KCNQ5: variants seen among roughly 807,000 people sequenced by gnomAD.
The protein encoded by KCNQ5 is potassium voltage-gated channel subfamily Q member 5.
KCNQ5 carries 30 observed loss-of-function variants against 98.2 expected under a neutral mutation model. The observed-to-expected ratio is 0.31, with a 90% confidence interval of 0.23 to 0.41. The LOEUF is 0.41. KCNQ5 is among the 10% of genes least tolerant of loss of function. The probability of loss-of-function intolerance (pLI) is 1.00; values close to 1 mark genes in which losing one functional copy is unlikely to be tolerated. For synonymous variants in KCNQ5, 458 were observed against 449.4 expected (o/e 1.02, Z -0.24); for missense variants, 835 against 1,182.5 (o/e 0.71, Z 4.31).
chr6:73,072,319 G>A (rs538233911), intron 3 of KCNQ5, among the ~76,000 whole-genome samples: 1 of 152,242 alleles, frequency 6.6e-6, no homozygotes, highest in South Asian at 2.1e-4. Flanking sequence ...ACCATGCTTT[G>A]TTTGATCCAG....
rs753726415 is a variant in KCNQ5 at position 72,998,897 on chromosome 6, C to A, written c.399-5011C>A. ...TGTGTGGTTGCTTCAATCAGCAAAG[C>A]CTACTCTGTTGATTTGACTGTTGTA... On this transcript the variant is annotated intron_variant, in intron 1 of 13. Transcript: ENST00000370398. Among the ~76,000 whole-genome samples the A allele has an allele frequency of 6.1e-4, 93 of 152,248 alleles. 1 individual carries two copies. The highest frequency in any genetic ancestry group is 2.1e-4 in the Non-Finnish European group (14 of 68,022).
chr6:72,785,158 G>GA (rs375865882), intron 1 of KCNQ5, among the ~76,000 whole-genome samples: 1 of 151,858 alleles, frequency 6.6e-6, no homozygotes, highest in African/African-American at 2.4e-5. Context: ...AAGACAAACA[G>GA]AAAAAAAATA....
chr6:73,148,560 A>T (rs1777013118), intron 10 of KCNQ5, among the ~76,000 whole-genome samples: 2 of 152,228 alleles, frequency 1.3e-5, no homozygotes, highest in African/African-American at 2.4e-5. Context: ...TTTTGATTGA[A>T]TCTCCCAGCA....
chr6:72,725,428 T>C (rs1002987561), intron 1 of KCNQ5, among the ~76,000 whole-genome samples: 2 of 152,236 alleles, frequency 1.3e-5, no homozygotes, highest in African/African-American at 4.8e-5. Flanking sequence ...TGAAGAAGTG[T>C]AGTAGAAAAA....
intron 1 of KCNQ5, among the ~76,000 whole-genome samples, chr6:72,868,778 G>A (rs1037308362): frequency 3.9e-5 from 6 of 152,148 alleles, no homozygotes; most frequent in Admixed American, 1.3e-4. Context: ...GGAGATCTGC[G>A]GAAGGTGAGG....
At chr6:72,630,668 G>T (rs1221043780) in intron 1 of KCNQ5, 2 of 152,032 alleles carry the variant, frequency 1.3e-5, no homozygotes, top group East Asian at 3.8e-4. Context: ...TTACTTCAAG[G>T]TGTTATATGT....
At position 72,623,295 on chromosome 6, in the gene KCNQ5, A is replaced by T. The variant is rs1233606063; in HGVS notation, c.398+708A>T. 2.0e-5 allele frequency among the ~76,000 whole-genome samples: 3 copies of T among 151,732 alleles called. No individual in the cohort carries two copies. In the East Asian group the frequency reaches 5.8e-4, roughly 29 times the overall value. Reference sequence around the variant, plus strand: ...GCAGCGGGGAACCTGGGGCGCAGGAACGCGGGCGGAGGTGCGATAGCAGAA... The same window carrying T: ...GCAGCGGGGAACCTGGGGCGCAGGATCGCGGGCGGAGGTGCGATAGCAGAA... On this transcript the variant is annotated intron_variant, in intron 1 of 13. Coordinates refer to ENST00000370398, the MANE Select transcript of KCNQ5 (RefSeq NM_019842.4).
chr6:72,718,891 T>C (rs1041492481), intron 1 of KCNQ5, among the ~76,000 whole-genome samples: 6 of 152,160 alleles, frequency 3.9e-5, no homozygotes, highest in African/African-American at 1.4e-4. Context: ...CAATTGCTCT[T>C]TTTTTATTGA....
chr6:72,818,907 A>T (rs1227893957), intron 1 of KCNQ5, among the ~76,000 whole-genome samples: 1 of 151,664 alleles, frequency 6.6e-6, no homozygotes, highest in Non-Finnish European at 1.5e-5. Flanking sequence ...TTTCTATTTC[A>T]CAGTAATGCT....
chr6:72,854,702 C>A (rs1190808539), intron 1 of KCNQ5, among the ~76,000 whole-genome samples: 2 of 145,106 alleles, frequency 1.4e-5, no homozygotes, highest in Non-Finnish European at 3.0e-5. Flanking sequence ...GAGTTAGTAA[C>A]AACCTCTCTC....
chr6:73,156,989 T>G (rs947554542), intron 10 of KCNQ5, among the ~76,000 whole-genome samples: 8 of 152,032 alleles, frequency 5.3e-5, no homozygotes, highest in African/African-American at 1.7e-4. Context: ...GGCTGGGGGC[T>G]CGGGCCTCCC....
rs574467892 is a variant in KCNQ5 at position 72,684,885 on chromosome 6, T to C, written c.398+62298T>C. Among the ~76,000 whole-genome samples, 31 of 152,236 alleles carry C rather than the reference T, an allele frequency of 2.0e-4. 1 individual carries two copies. In the South Asian group the frequency reaches 6.2e-3, roughly 31 times the overall value. Reference sequence around the variant, plus strand: ...TTCTGTGTGTGTGTATGCGTGTGTGTCTGTCTGTGTATTTCTGAGGCCCCT... The same window carrying C: ...TTCTGTGTGTGTGTATGCGTGTGTGCCTGTCTGTGTATTTCTGAGGCCCCT... On this transcript the variant is annotated intron_variant, in intron 1 of 13. Coordinates refer to ENST00000370398, the MANE Select transcript of KCNQ5 (RefSeq NM_019842.4).
At chr6:72,975,650 T>C (rs998699520) in intron 1 of KCNQ5, among the ~76,000 whole-genome samples, 1 of 152,212 alleles carries the variant, frequency 6.6e-6, no homozygotes, top group Non-Finnish European at 1.5e-5. Context: ...TTCCTGATGT[T>C]GTACCACATC....
At chr6:72,750,675 T>A (rs552638477) in intron 1 of KCNQ5, among the ~76,000 whole-genome samples, 4 of 152,156 alleles carry the variant, frequency 2.6e-5, no homozygotes, top group Admixed American at 2.6e-4. Flanking sequence ...ATTTGATACA[T>A]TAAAATATCT....
At chr6:73,175,815 C>T (rs1329950133) in intron 11 of KCNQ5, among the ~76,000 whole-genome samples, 1 of 152,160 alleles carries the variant, frequency 6.6e-6, no homozygotes, top group Non-Finnish European at 1.5e-5. Flanking sequence ...CATATTACTA[C>T]AGTGACAGGA....
At chr6:73,157,298 G>A (rs1159009799) in intron 10 of KCNQ5, among the ~76,000 whole-genome samples, 1 of 152,202 alleles carries the variant, frequency 6.6e-6, no homozygotes, top group Non-Finnish European at 1.5e-5. Flanking sequence ...CCTGGGAGGC[G>A]TTGGAGAAAG....
At chr6:73,105,065 T>C (rs1469823051) in intron 5 of KCNQ5, among the ~76,000 whole-genome samples, 192 bp from the exon 6 acceptor site, 1 of 152,212 alleles carries the variant, frequency 6.6e-6, no homozygotes, top group Non-Finnish European at 1.5e-5. Flanking sequence ...GGAACAAGTA[T>C]GTAGGTTATT....
chr6:72,891,252 G>A (rs926160613), intron 1 of KCNQ5, among the ~76,000 whole-genome samples: 9 of 152,140 alleles, frequency 5.9e-5, no homozygotes, highest in African/African-American at 2.2e-4. Context: ...TCAGATTTCA[G>A]TAAAGTAGTT....
chr6:72,665,573 C>T (rs911591279), intron 1 of KCNQ5, among the ~76,000 whole-genome samples: 1 of 152,140 alleles, frequency 6.6e-6, no homozygotes, highest in African/African-American at 2.4e-5. Context: ...ACATAAGAAA[C>T]AACTTCCCAA....
Sources: gnomAD v4.1 joint callset for allele counts (sites outside exome capture counted in the v4.1 genomes callset) on GRCh38, gnomAD v4.1.1 for gene constraint, MANE v1.5 for transcripts, NCBI Gene and HGNC (gene_info 2026-07-23, HGNC 2026-07-21) for gene names.